Variants in LRRC4C observed in about 807,000 individuals in gnomAD.
LRRC4C encodes leucine-rich repeat-containing protein 4C.
LRRC4C carries 5 observed loss-of-function variants against 33.6 expected under a neutral mutation model. The ratio of observed to expected loss-of-function variants is 0.15; its 90% confidence interval spans 0.08 to 0.31. LRRC4C has a LOEUF of 0.31. Among genes scored for constraint, LRRC4C ranks in the 10% least tolerant of loss-of-function variants. The probability of loss-of-function intolerance (pLI) is 1.00; values close to 1 mark genes in which losing one functional copy is unlikely to be tolerated. For missense variants in LRRC4C, 560 were observed against 796.7 expected, an observed-to-expected ratio of 0.70 and a Z score of 3.58; for synonymous variants, 329 against 302.0, an observed-to-expected ratio of 1.09 and a Z score of -0.93.
At chr11:40,468,266 C>A (rs1952752416) in intron 3 of LRRC4C, among the ~76,000 whole-genome samples, 1 of 152,078 alleles carries the variant, frequency 6.6e-6, no homozygotes, top group South Asian at 2.1e-4. Context: ...TTGTCTAAAT[C>A]TGTAATTTTC....
chr11:41,085,842 C>A (rs932104423), intron 1 of LRRC4C, among the ~76,000 whole-genome samples: 1 of 140,192 alleles, frequency 7.1e-6, no homozygotes, highest in African/African-American at 2.7e-5. Flanking sequence ...CGATAACTGG[C>A]AATCTCAATA....
At chr11:41,344,326 T>C (rs1951735224) in intron 1 of LRRC4C, among the ~76,000 whole-genome samples, 1 of 150,062 alleles carries the variant, frequency 6.7e-6, no homozygotes, top group Non-Finnish European at 1.5e-5. Flanking sequence ...GTTCATGCCA[T>C]TCTCCTGCTT....
intron 1 of LRRC4C, among the ~76,000 whole-genome samples, chr11:41,160,804 GA>G (rs1944436171): frequency 6.6e-6 from 1 of 152,130 alleles, no homozygotes; most frequent in Non-Finnish European, 1.5e-5. Context: ...ATATTGCTAT[GA>G]AAACCCAGAG....
intron 3 of LRRC4C, among the ~76,000 whole-genome samples, chr11:40,426,678 A>G (rs2137802957): frequency 6.6e-6 from 1 of 152,274 alleles, no homozygotes; most frequent in South Asian, 2.1e-4. Context: ...AAGCTTTTTA[A>G]AAGCAGGGAT....
intron 3 of LRRC4C, among the ~76,000 whole-genome samples, chr11:40,487,529 A>G (rs1479989483): frequency 6.6e-6 from 1 of 152,072 alleles, no homozygotes; most frequent in East Asian, 1.9e-4. Context: ...AACTAGAATC[A>G]TAGGTATTGT....
chr11:41,244,799 G>A lies in LRRC4C; in HGVS notation c.-496+214632C>T, dbSNP rs148327629. On this transcript the variant is annotated intron_variant, in intron 1 of 6. Coordinates refer to ENST00000528697, the MANE Select transcript of LRRC4C (RefSeq NM_001258419.2). ...GACCACTGAACATAGAACTTTACTC[G>A]ATGAGTAAGACTGGATTTTGGGGCT... Among the ~76,000 whole-genome samples the A allele has an allele frequency of 1.2e-3, 180 of 152,220 alleles. 1 individual carries two copies. The highest frequency in any genetic ancestry group is 0.011 in the East Asian group (55 of 5,168).
chr11:40,834,352 T>A (rs1952558277), intron 2 of LRRC4C, among the ~76,000 whole-genome samples: 1 of 151,608 alleles, frequency 6.6e-6, no homozygotes, highest in African/African-American at 2.4e-5. Flanking sequence ...ACATCTGTAA[T>A]CCCAGGTACT....
chr11:40,695,632 G>A (rs1945464948), intron 2 of LRRC4C, among the ~76,000 whole-genome samples: 1 of 152,114 alleles, frequency 6.6e-6, no homozygotes, highest in African/African-American at 2.4e-5. Flanking sequence ...CTGTTTTCCT[G>A]TTTGGCGTCT....
At chr11:40,847,938 G>A (rs927268792) in intron 2 of LRRC4C, among the ~76,000 whole-genome samples, 10 of 152,000 alleles carry the variant, frequency 6.6e-5, no homozygotes, top group Admixed American at 5.9e-4. Context: ...TAGTTTATTT[G>A]TGTAGAGGTG....
intron 2 of LRRC4C, among the ~76,000 whole-genome samples, chr11:40,775,034 A>C (rs1212928904): frequency 1.3e-5 from 2 of 151,988 alleles, no homozygotes; most frequent in Admixed American, 6.6e-5. Flanking sequence ...AAAATAAATA[A>C]ATAAATAAAA....
intron 1 of LRRC4C, among the ~76,000 whole-genome samples, chr11:41,238,009 C>T (rs1053755379): frequency 3.3e-5 from 5 of 151,976 alleles, no homozygotes; most frequent in African/African-American, 7.3e-5. Context: ...ATATAAATAC[C>T]CCCAGCCACT....
chr11:41,348,584 C>T (rs1405359410), intron 1 of LRRC4C, among the ~76,000 whole-genome samples: 1 of 151,656 alleles, frequency 6.6e-6, no homozygotes, highest in Non-Finnish European at 1.5e-5. Flanking sequence ...CCAGGAAGAG[C>T]GTCTCCCAGC....
chr11:40,536,316 C>T (rs1379664029), intron 3 of LRRC4C, among the ~76,000 whole-genome samples: 3 of 152,146 alleles, frequency 2.0e-5, no homozygotes, highest in Non-Finnish European at 4.4e-5. Flanking sequence ...ACCTCAGCCT[C>T]CCAAGTAGCT....
chr11:41,087,339 G>T (rs752622154), intron 1 of LRRC4C, among the ~76,000 whole-genome samples: 1 of 152,044 alleles, frequency 6.6e-6, no homozygotes, highest in Non-Finnish European at 1.5e-5. Flanking sequence ...AAACACAAAT[G>T]TAAATCAATT....
intron 1 of LRRC4C, among the ~76,000 whole-genome samples, chr11:41,150,530 G>T (rs745904860): frequency 6.6e-6 from 1 of 152,024 alleles, no homozygotes; most frequent in Non-Finnish European, 1.5e-5. Context: ...GGTGGCTCAC[G>T]CCTGTAATCC....
intron 2 of LRRC4C, among the ~76,000 whole-genome samples, chr11:40,714,553 C>T (rs1478162974): frequency 1.3e-5 from 2 of 152,288 alleles, no homozygotes; most frequent in Non-Finnish European, 2.9e-5. Context: ...CTCTGTATCG[C>T]TGTTCCATTG....
chr11:40,925,924 T>A (rs16935151), intron 2 of LRRC4C, among the ~76,000 whole-genome samples: 8,910 of 152,258 alleles, frequency 0.059, 381 homozygotes, highest in Admixed American at 0.15. Context: ...TTCCTTTCTA[T>A]AACATGGTAT....
At chr11:40,259,927 G>A (rs1732281863) in intron 4 of LRRC4C, among the ~76,000 whole-genome samples, 1 of 151,044 alleles carries the variant, frequency 6.6e-6, no homozygotes, top group Non-Finnish European at 1.5e-5. Flanking sequence ...AGGATGTGGA[G>A]AAATAGGAAC....
At chr11:41,332,715 G>T (rs934814794) in intron 1 of LRRC4C, among the ~76,000 whole-genome samples, 1 of 152,096 alleles carries the variant, frequency 6.6e-6, no homozygotes, top group Non-Finnish European at 1.5e-5. Context: ...TCACTTGTGC[G>T]AACTTTTCTA....
Sources: gnomAD v4.1 joint callset for allele counts (sites outside exome capture counted in the v4.1 genomes callset) on GRCh38, gnomAD v4.1.1 for gene constraint, MANE v1.5 for transcripts, NCBI Gene and HGNC (gene_info 2026-07-23, HGNC 2026-07-21) for gene names.